The following OLAH variants were observed in gnomAD, a reference collection of about 807,000 sequenced individuals.
OLAH encodes the protein oleoyl-ACP hydrolase.
Under a neutral mutation model 27.8 loss-of-function variants are expected in OLAH, and 33 were observed. The ratio of observed to expected loss-of-function variants is 1.19; its 90% CI spans 0.90 to 1.59. The LOEUF (loss-of-function observed/expected upper bound fraction) is 1.59. Ranked by LOEUF, OLAH falls within the 40% of genes most tolerant of loss-of-function variation. The pLI, the probability that OLAH is intolerant of heterozygous loss-of-function variation, is 0.00. For synonymous variants in OLAH, 120 were observed against 102.9 expected, an observed-to-expected ratio of 1.17 and a Z score of -1.01; for missense variants, 359 against 310.8, an observed-to-expected ratio of 1.16 and a Z score of -1.17.
At chr10:15,034,067 GA>G (rs1366558811) in intron 1 of OLAH, among the ~76,000 whole-genome samples, 1 of 151,552 alleles carries the variant, frequency 6.6e-6, no homozygotes, top group African/African-American at 2.4e-5. Flanking sequence ...AGAGGTGGGG[GA>G]AGGAACCTCC....
At chr10:15,071,669 T>C (rs1428817118) in intron 6 of OLAH, 126 bp from the exon 7 acceptor site, 1 of 1,421,236 alleles carries the variant, frequency 7.0e-7, no homozygotes, top group Non-Finnish European at 9.3e-7. Flanking sequence ...GAAAAATGTT[T>C]TACACTGCTA....
upstream of OLAH, among the ~76,000 whole-genome samples, chr10:15,041,145 G>A (rs1022382743): frequency 6.6e-6 from 1 of 152,182 alleles, no homozygotes; most frequent in Non-Finnish European, 1.5e-5. Context: ...TTTCCCACAG[G>A]CAAAGAGAAG....
chr10:15,059,896 A>G (rs569743768), intron 3 of OLAH, among the ~76,000 whole-genome samples: 1 of 152,194 alleles, frequency 6.6e-6, no homozygotes, highest in African/African-American at 2.4e-5. Context: ...TCATCTTTTT[A>G]TCAAGTGTTT....
At chr10:15,072,420 G>T (rs541041420) in intron 7 of OLAH, among the ~76,000 whole-genome samples, 5 of 152,088 alleles carry the variant, frequency 3.3e-5, no homozygotes, top group Non-Finnish European at 7.4e-5. Flanking sequence ...ATACTGATAG[G>T]TCTCAAAGAA....
rs75167265 is a variant in OLAH, at chr10:15,033,808, G to A, written c.-164+1458G>A. 6.8e-3 allele frequency among the ~76,000 whole-genome samples: 1,032 copies of A among 152,278 alleles called. 2 individuals carry two copies. Among genetic ancestry groups the A allele is most frequent in the African/African-American group, 0.02 (837 of 41,548 alleles). On this transcript the variant is annotated intron_variant, in intron 1 of 3. Coordinates refer to the OLAH transcript ENST00000413672. ...AGGGGCTGAACTGACCCTTTTATAA[G>A]GGCATTAATCCCACCCATGAAGGCA...
chr10:15,059,423 A>G (rs77100233), intron 3 of OLAH, among the ~76,000 whole-genome samples: 3,372 of 151,636 alleles, frequency 0.022, 121 homozygotes, highest in African/African-American at 0.076. Flanking sequence ...TCCTGGGCTC[A>G]AGCACCTTCA....
intron 3 of OLAH, among the ~76,000 whole-genome samples, chr10:15,057,223 G>T (rs762571698): frequency 1.3e-5 from 2 of 151,976 alleles, no homozygotes; most frequent in Non-Finnish European, 2.9e-5. Context: ...TGTCATATTT[G>T]AGCCTGCCTT....
intron 4 of OLAH, 146 bp downstream of exon 4, chr10:15,062,008 C>A: frequency 1.4e-6 from 1 of 732,924 alleles, no homozygotes; most frequent in Non-Finnish European, 2.1e-6. Context: ...ACAACTTTTA[C>A]AATTCACCAG....
rs1844627211 is a variant in OLAH, at chr10:15,073,198, G to A, written c.767G>A (p.Cys256Tyr). 1 of 1,600,924 alleles carries A rather than the reference G, an allele frequency of 6.2e-7. No homozygotes were observed. Among genetic ancestry groups the A allele is most frequent in the Non-Finnish European group, 8.5e-7 (1 of 1,171,646 alleles). The part of the protein sequence containing the change: ...EKLIKNYIIK[C>Y]LEVSSISNF ...TTAATCAAGAACTACATAATCAAGT[G>A]TCTAGAAGTATCATCGATATCCAAT... is the stretch of plus-strand genomic sequence containing the variant. The change falls in exon 8 of 8, where the codon TGT (cysteine) becomes TAT (tyrosine). Residue 256 changes from cysteine (C) to tyrosine (Y), a missense_variant. Coordinates refer to ENST00000378228, the MANE Select transcript of OLAH (RefSeq NM_001039702.3).
intron 3 of OLAH, among the ~76,000 whole-genome samples, chr10:15,057,428 C>T (rs561553079): frequency 2.2e-5 from 3 of 133,618 alleles, no homozygotes; most frequent in South Asian, 4.8e-4. Context: ...GATGGAGTCT[C>T]GCTCTGGAGT....
intron 4 of OLAH, among the ~76,000 whole-genome samples, chr10:15,063,339 C>G (rs1407930246): frequency 6.6e-6 from 1 of 152,142 alleles, no homozygotes; most frequent in African/African-American, 2.4e-5. Context: ...CCATGTTGCC[C>G]AGGCTGGTCT....
Position 15,073,335 on chromosome 10 carries a change from T to C in OLAH, c.*106T>C, listed in dbSNP as rs1353575899. On this transcript the variant is annotated 3_prime_UTR_variant, in exon 8 of 8. Transcript: ENST00000378228. ...AGATTGGAAATTACACATTTTCTAC[T>C]GTCAGGGAGATTCGTTACATAAATA... 1.2e-5 allele frequency: 9 copies of C among 744,420 alleles called. No individual in the cohort carries two copies. The highest frequency in any genetic ancestry group is 1.9e-5 in the South Asian group (1 of 51,924). The allele number at this position is 744,420 out of a possible 1,614,324, so 46.1% of individuals were successfully genotyped here. A position where few individuals can be genotyped will look rare whatever the true frequency, so the allele number is the denominator to read the frequency against.
intron 4 of OLAH, 90 bp downstream of exon 4, chr10:15,061,952 A>G: frequency 1.6e-6 from 2 of 1,227,992 alleles, no homozygotes; most frequent in Non-Finnish European, 2.3e-6. Flanking sequence ...TGTAAGATGC[A>G]TACCTTTGTA....
intron 3 of OLAH, among the ~76,000 whole-genome samples, chr10:15,060,412 G>A (rs192807160): frequency 1.8e-4 from 28 of 152,032 alleles, no homozygotes; most frequent in Admixed American, 9.2e-4. Context: ...TCAAGTGATC[G>A]GCCCACCTCG....
At chr10:15,057,675 C>A (rs553547131) in intron 3 of OLAH, among the ~76,000 whole-genome samples, 2 of 151,960 alleles carry the variant, frequency 1.3e-5, no homozygotes, top group Non-Finnish European at 2.9e-5. Flanking sequence ...CATGAGCCAC[C>A]GTGCCTGGGC....
intron 4 of OLAH, among the ~76,000 whole-genome samples, chr10:15,062,738 A>ATTCTTTTT (rs1844392192): frequency 6.7e-6 from 1 of 149,218 alleles, no homozygotes; most frequent in Admixed American, 6.7e-5. Context: ...TCCAGTGAAC[A>ATTCTTTTT]TTCTTTTTTT....
At chr10:15,037,922 C>G (rs978888911) in intron 1 of OLAH, among the ~76,000 whole-genome samples, 3 of 152,234 alleles carry the variant, frequency 2.0e-5, no homozygotes, top group Non-Finnish European at 4.4e-5. Context: ...AGGCCAGGAA[C>G]GCTGCCTGGA....
At chr10:15,033,197 T>C (rs1320614192) in intron 1 of OLAH, among the ~76,000 whole-genome samples, 3 of 152,124 alleles carry the variant, frequency 2.0e-5, no homozygotes, top group African/African-American at 7.2e-5. Flanking sequence ...ATTTAACTCA[T>C]GTAGCAATTT....
At chr10:15,034,344 T>G (rs10906810) in intron 1 of OLAH, among the ~76,000 whole-genome samples, 65,216 of 151,444 alleles carry the variant, frequency 0.43, 14,713 homozygotes, top group East Asian at 0.7. Context: ...TGTTGCCCAG[T>G]CTGACCTTGA....
Sources: gnomAD v4.1 joint callset for allele counts (sites outside exome capture counted in the v4.1 genomes callset) on GRCh38, gnomAD v4.1.1 for gene constraint, MANE v1.5 for transcripts, NCBI Gene and HGNC (gene_info 2026-07-23, HGNC 2026-07-21) for gene names.